The following GALNT12 variants were observed in gnomAD, a reference collection of about 807,000 sequenced individuals.
GALNT12 encodes the protein UDP-GalNAc:polypeptide N-acetylgalactosaminyltransferase 12.
Under a neutral mutation model 55.5 loss-of-function variants are expected in GALNT12, and 45 were observed. That is an observed-to-expected ratio of 0.81 (90% CI 0.64 to 1.04). GALNT12 has a LOEUF of 1.04. Among genes scored for constraint, GALNT12 ranks in the 50% least tolerant of loss-of-function variants. The pLI, the probability that GALNT12 is intolerant of heterozygous loss-of-function variation, is 0.00. For missense variants in GALNT12, 709 were observed against 754.8 expected (o/e 0.94, Z 0.71); for synonymous variants, 304 against 312.2 (o/e 0.97, Z 0.28).
rs914626273 is a variant in GALNT12, at chr9:98,831,765, C to T, written c.732-7C>T. On this transcript the variant is annotated splice_polypyrimidine_tract_variant and splice_region_variant and intron_variant, in intron 3 of 9. Coordinates refer to ENST00000375011, the MANE Select transcript of GALNT12 (RefSeq NM_024642.5). ...GAGAGACGGATGGATGTCTTGGGTG[C>T]TTTCAGGATCCATGAAGAGGAGTCG... 6.2e-7 allele frequency: 1 copy of T among 1,614,176 alleles called. No individual in the cohort carries two copies. The highest frequency in any genetic ancestry group is 8.5e-7 in the Non-Finnish European group (1 of 1,180,032).
At chr9:98,834,862 C>T (rs1588452132) in intron 4 of GALNT12, among the ~76,000 whole-genome samples, 1 of 152,188 alleles carries the variant, frequency 6.6e-6, no homozygotes, top group East Asian at 1.9e-4. Flanking sequence ...AGCCTTTGCT[C>T]ATGCTGGAGA....
At chr9:98,839,415 A>T (rs1420897243) in intron 6 of GALNT12, among the ~76,000 whole-genome samples, 1 of 152,250 alleles carries the variant, frequency 6.6e-6, no homozygotes, top group African/African-American at 2.4e-5. Context: ...GCGATACTAA[A>T]TAGAGGCTTG....
intron 1 of GALNT12, among the ~76,000 whole-genome samples, chr9:98,809,626 A>G (rs150435916): frequency 6.6e-6 from 1 of 152,370 alleles, no homozygotes; most frequent in Non-Finnish European, 1.5e-5. Flanking sequence ...AAAGAACACA[A>G]CTTAGGAATT....
chr9:98,849,917 T>A lies in GALNT12; in HGVS notation c.*825T>A, dbSNP rs943692783. ...AAATTCCTTTTTCAAGTTTGTTCAT[T>A]AATAACAGTTATTAATTTAAATCAG... On this transcript the variant is annotated 3_prime_UTR_variant, in exon 10 of 10. Transcript: ENST00000375011. 1 of 247,436 alleles carries A rather than the reference T, an allele frequency of 4.0e-6. No homozygotes were observed. Among genetic ancestry groups the A allele is most frequent in the African/African-American group, 2.2e-5 (1 of 45,808 alleles). 15.3% of individuals were successfully genotyped at this position (247,436 alleles called of 1,614,324 possible). A position where few individuals can be genotyped will look rare whatever the true frequency, so the allele number is the denominator to read the frequency against.
At chr9:98,812,278 C>T (rs1481599640) in intron 1 of GALNT12, among the ~76,000 whole-genome samples, 6 of 151,806 alleles carry the variant, frequency 4.0e-5, no homozygotes, top group East Asian at 1.9e-4. Context: ...GTATGTTGCT[C>T]GATTTTGTGT....
Position 98,849,426 on chromosome 9 carries a change from CA to C in GALNT12, c.*340del. ...CAGTCGTGCCTTTTACTCTCATTAG[CA>C]AAAAAGATAAAGATTTTATTTTGGT... On this transcript the variant is annotated 3_prime_UTR_variant, in exon 10 of 10. Transcript: ENST00000375011. 2 of 527,612 alleles carry C rather than the reference CA, an allele frequency of 3.8e-6. No homozygotes were observed. The highest frequency in any genetic ancestry group is 3.3e-6 in the Non-Finnish European group (1 of 302,760). 32.7% of individuals were successfully genotyped at this position (527,612 alleles called of 1,614,324 possible).
rs2118412108 is a variant in GALNT12 at position 98,831,688 on chromosome 9, A to G, written c.732-84A>G. On this transcript the variant is annotated intron_variant, in intron 3 of 9. Coordinates refer to ENST00000375011, the MANE Select transcript of GALNT12 (RefSeq NM_024642.5). ...TCCTCCCTCTTATTGGAAGGAAGAC[A>G]AGAATTCACCCTTGAATTTCCCAAT... The G allele has an allele frequency of 4.1e-6, 6 of 1,462,924 alleles. No homozygotes were observed. The East Asian group carries it at 1.4e-4, about 33-fold the overall frequency. 90.6% of individuals were successfully genotyped at this position (1,462,924 alleles called of 1,614,324 possible).
At chr9:98,839,919 AG>A in intron 6 of GALNT12, 82 bp from the exon 7 acceptor site, 1 of 1,557,572 alleles carries the variant, frequency 6.4e-7, no homozygotes, top group South Asian at 1.1e-5. Flanking sequence ...GCTGGTGGTT[AG>A]TAAGTGAGCA....
At chr9:98,836,466 G>T (rs1836148988) in intron 5 of GALNT12, among the ~76,000 whole-genome samples, 1 of 152,210 alleles carries the variant, frequency 6.6e-6, no homozygotes, top group Non-Finnish European at 1.5e-5. Flanking sequence ...CAGTCCCAGT[G>T]TGAGATGGGC....
intron 3 of GALNT12, among the ~76,000 whole-genome samples, chr9:98,830,165 G>A (rs375864503): frequency 6.6e-6 from 1 of 152,290 alleles, no homozygotes; most frequent in African/African-American, 2.4e-5. Context: ...CTAACTCTTG[G>A]GGCTGGGGCC....
At chr9:98,821,165 A>T (rs1407567452) in intron 1 of GALNT12, among the ~76,000 whole-genome samples, 1 of 152,126 alleles carries the variant, frequency 6.6e-6, no homozygotes, top group Non-Finnish European at 1.5e-5. Context: ...GTGTGCCATC[A>T]TGCCCGGCTA....
At chr9:98,819,526 C>T (rs955853598) in intron 1 of GALNT12, among the ~76,000 whole-genome samples, 1 of 152,168 alleles carries the variant, frequency 6.6e-6, no homozygotes, top group East Asian at 1.9e-4. Flanking sequence ...GAACAGCCAG[C>T]CCCTATCAGA....
At chr9:98,840,173 C>T in intron 7 of GALNT12, 40 bp downstream of exon 7, 1 of 1,610,938 alleles carries the variant, frequency 6.2e-7, no homozygotes, top group Non-Finnish European at 8.5e-7. Context: ...CAGGGACTTC[C>T]CTGGCCTCTG....
Position 98,840,061 on chromosome 9 carries a change from C to G in GALNT12, c.1272C>G (p.Asp424Glu), listed in dbSNP as rs1420217487. 1.2e-6 allele frequency: 2 copies of G among 1,614,210 alleles called. No homozygotes were observed. The highest frequency in any genetic ancestry group is 3.3e-5 in the Admixed American group (2 of 60,026). The change falls in exon 7 of 10, where the codon GAC (aspartate) becomes GAG (glutamate). Residue 424 changes from aspartate to glutamate, a missense_variant. Physicochemically the swap from Asp to Glu is conservative, Grantham distance 45. This residue lies in a region of GALNT12 where 262 missense variants were observed against 310.7 expected (regional missense o/e 0.84). Coordinates refer to ENST00000375011, the MANE Select transcript of GALNT12 (RefSeq NM_024642.5). ...KQLRDKLQCK[D>E]FKWFLETVYP... ...TCCGGGACAAGCTCCAGTGTAAAGACTTCAAGTGGTTCTTGGAGACTGTGT... is the reference window on the plus strand; with the variant it reads ...TCCGGGACAAGCTCCAGTGTAAAGAGTTCAAGTGGTTCTTGGAGACTGTGT...
intron 1 of GALNT12, among the ~76,000 whole-genome samples, chr9:98,821,980 TG>T (rs1174441310): frequency 3.9e-5 from 6 of 152,216 alleles, no homozygotes; most frequent in Non-Finnish European, 8.8e-5. Context: ...CTATCTGACA[TG>T]CGGTAGGTGC....
At chr9:98,843,318 T>G (rs940042815) in intron 7 of GALNT12, among the ~76,000 whole-genome samples, 5 of 152,222 alleles carry the variant, frequency 3.3e-5, no homozygotes, top group African/African-American at 1.2e-4. Context: ...TTATAATTTC[T>G]TTGCAGCTCA....
intron 1 of GALNT12, among the ~76,000 whole-genome samples, chr9:98,810,591 T>C (rs1193636944): frequency 1.3e-5 from 2 of 152,192 alleles, no homozygotes; most frequent in Non-Finnish European, 2.9e-5. Flanking sequence ...GTGCCTTTTA[T>C]CAGAGGAAAG....
chr9:98,814,484 G>A (rs752501425), intron 1 of GALNT12, among the ~76,000 whole-genome samples: 8 of 152,044 alleles, frequency 5.3e-5, no homozygotes, highest in Admixed American at 1.3e-4. Context: ...CAAGGAGGGC[G>A]GATCACTTGA....
intron 1 of GALNT12, among the ~76,000 whole-genome samples, chr9:98,815,946 TA>T (rs1312091467): frequency 6.6e-6 from 1 of 152,240 alleles, no homozygotes; most frequent in Non-Finnish European, 1.5e-5. Context: ...AAATATTCTC[TA>T]AAAAATGTTA....
Sources: allele counts gnomAD v4.1 joint callset (sites outside exome capture counted in the v4.1 genomes callset), GRCh38; gene constraint gnomAD v4.1.1; regional missense constraint gnomAD v4.1.1; transcripts MANE v1.5; gene names NCBI Gene and HGNC (gene_info 2026-07-23, HGNC 2026-07-21).